PCDH11X: variants seen among roughly 807,000 people sequenced by gnomAD.
PCDH11X encodes protocadherin-11 X-linked.
Under a neutral mutation model 53.3 loss-of-function variants are expected in PCDH11X, and 18 were observed. The observed-to-expected ratio is 0.34, with a 90% CI of 0.23 to 0.50. The LOEUF (loss-of-function observed/expected upper bound fraction) is 0.50. Ranked by LOEUF, PCDH11X falls within the 20% of genes least tolerant of loss-of-function variation. PCDH11X has a pLI of 0.98. For missense variants in PCDH11X, 570 were observed against 1,032.4 expected (o/e 0.55, Z 6.14); for synonymous variants, 279 against 393.3 (o/e 0.71, Z 3.44).
At chrX:92,222,710 C>T (rs2066904656) in intron 7 of PCDH11X, among the ~76,000 whole-genome samples, 1 of 111,833 alleles carries the variant, frequency 8.9e-6, no homozygotes. Context: ...AAATGTATTT[C>T]ATCTCCGTAG....
At chrX:92,125,580 T>C (rs1026499007) in intron 6 of PCDH11X, among the ~76,000 whole-genome samples, 1 of 111,486 alleles carries the variant, frequency 9.0e-6, no homozygotes, top group African/African-American at 3.3e-5. Context: ...GATAAATGTT[T>C]GCCCTTTTAA....
In PCDH11X at chrX:92,493,966, C is replaced by G. The variant is rs769517177; in HGVS notation, c.3367+25644C>G. On this transcript the variant is annotated intron_variant, in intron 10 of 10. Transcript: ENST00000682573. The stretch of plus-strand genomic sequence containing the variant: ...CCGGCTGCTCCGTTAATTTTTATAT[C>G]CCTCTCTTGCCAACAGGTTTTTTTT... 8.5e-4 allele frequency among the ~76,000 whole-genome samples: 93 copies of G among 109,879 alleles called. 1 individual carries two copies. Among genetic ancestry groups the G allele is most frequent in the African/African-American group, 2.9e-3 (88 of 30,201 alleles).
chrX:92,109,232 G>A (rs1442924663), intron 6 of PCDH11X, among the ~76,000 whole-genome samples: 3 of 110,966 alleles, frequency 2.7e-5, no homozygotes, highest in Admixed American at 9.6e-5. Context: ...TTAGCTGGGC[G>A]TGGTGGCAGG....
intron 6 of PCDH11X, among the ~76,000 whole-genome samples, chrX:92,034,139 A>G (rs2063093323): frequency 1.8e-5 from 2 of 110,825 alleles, no homozygotes; most frequent in South Asian, 7.6e-4. Context: ...AATTTTTTGG[A>G]TGTTTAAAGA....
intron 5 of PCDH11X, among the ~76,000 whole-genome samples, chrX:91,875,601 T>A (rs1283763066): frequency 9.0e-6 from 1 of 110,777 alleles, no homozygotes; most frequent in Non-Finnish European, 1.9e-5. Flanking sequence ...GAGGGGATTG[T>A]TTTTTAAATA....
Position 91,879,245 on chromosome X carries a change from A to G in PCDH11X, c.3005A>G (p.Glu1002Gly), listed in dbSNP as rs764374517. 1.4e-5 allele frequency: 17 copies of G among 1,209,921 alleles called. No homozygotes were observed. The highest frequency in any genetic ancestry group is 1.9e-5 in the Non-Finnish European group (17 of 895,234). ...TGTGGCTATCCAGTGACGACCTTCG[A>G]GGTACCTGTGTCCGTACACACCAGA... Reference protein sequence around the residue: ...SDCGYPVTTFEVPVSVHTRPP... With the variant: ...SDCGYPVTTFGVPVSVHTRPP... The change falls in exon 6 of 11, where the codon GAG (glutamate) becomes GGG (glycine). Residue 1002 changes from glutamate to glycine, a missense_variant. Transcript: ENST00000682573.
intron 6 of PCDH11X, among the ~76,000 whole-genome samples, chrX:92,090,697 A>G (rs1163663012): frequency 9.0e-6 from 1 of 110,607 alleles, no homozygotes; most frequent in African/African-American, 3.3e-5. Context: ...GGAAATACGC[A>G]TAACAAGTTG....
chrX:92,102,035 G>A (rs1384568320), intron 6 of PCDH11X, among the ~76,000 whole-genome samples: 2 of 111,358 alleles, frequency 1.8e-5, no homozygotes, highest in Non-Finnish European at 3.8e-5. Context: ...AGGAAAGAAG[G>A]AAATATGGGG....
In PCDH11X at chrX:92,094,549, A is replaced by G. The variant is rs186416819; in HGVS notation, c.3034-106826A>G. 7.3e-3 allele frequency among the ~76,000 whole-genome samples: 810 copies of G among 111,416 alleles called. 8 individuals carry two copies. Among genetic ancestry groups the G allele is most frequent in the African/African-American group, 0.025 (767 of 30,685 alleles). On this transcript the variant is annotated intron_variant, in intron 6 of 10. Transcript: ENST00000682573. ...CTCTCTTCCTAAAGGAATACACAAA[A>G]AATCAGGGTGTAGAAAAATATCTTA...
intron 10 of PCDH11X, among the ~76,000 whole-genome samples, chrX:92,499,444 GA>G (rs67442304): frequency 5.6e-4 from 41 of 73,318 alleles, no homozygotes; most frequent in African/African-American, 1.7e-3. Context: ...TCTGGAGTTT[GA>G]AAAAAAAAAA....
At chrX:92,436,706 T>A (rs2148630524) in intron 9 of PCDH11X, among the ~76,000 whole-genome samples, 1 of 111,179 alleles carries the variant, frequency 9.0e-6, no homozygotes, top group Non-Finnish European at 1.9e-5. Context: ...CTTAGCAAAC[T>A]AATGCAGGTA....
At chrX:91,839,307 C>A (rs1361654343) in intron 5 of PCDH11X, among the ~76,000 whole-genome samples, 9 of 108,578 alleles carry the variant, frequency 8.3e-5, no homozygotes, top group African/African-American at 3.0e-4. Context: ...TGATACAAAA[C>A]GAAAAGAGTG....
chrX:91,998,173 A>G (rs1241562451), intron 6 of PCDH11X, among the ~76,000 whole-genome samples: 1 of 109,966 alleles, frequency 9.1e-6, no homozygotes, highest in Non-Finnish European at 1.9e-5. Context: ...ACCTCAAGTG[A>G]TCTGCCCACC....
chrX:91,897,104 A>G (rs1011071871), intron 6 of PCDH11X, among the ~76,000 whole-genome samples: 5 of 104,125 alleles, frequency 4.8e-5, no homozygotes, highest in African/African-American at 1.9e-4. Flanking sequence ...TCCTATGAAC[A>G]CATCAGTTGG....
intron 9 of PCDH11X, among the ~76,000 whole-genome samples, chrX:92,426,663 A>G (rs1453708081): frequency 9.1e-6 from 1 of 109,755 alleles, no homozygotes; most frequent in Admixed American, 9.8e-5. Flanking sequence ...AAAATAAAAC[A>G]TTTATATTCA....
At chrX:92,382,723 A>G (rs2148566601) in intron 8 of PCDH11X, among the ~76,000 whole-genome samples, 1 of 111,618 alleles carries the variant, frequency 9.0e-6, no homozygotes, top group Non-Finnish European at 1.9e-5. Flanking sequence ...TGCTACTGGC[A>G]GAAAATAACT....
chrX:92,127,667 C>A (rs1319062402), intron 6 of PCDH11X, among the ~76,000 whole-genome samples: 1 of 109,200 alleles, frequency 9.2e-6, no homozygotes, highest in East Asian at 2.9e-4. Context: ...ACTACAGGTG[C>A]GTGCCACCAA....
At chrX:91,888,360 A>C (rs1203813197) in intron 6 of PCDH11X, among the ~76,000 whole-genome samples, 3 of 111,995 alleles carry the variant, frequency 2.7e-5, no homozygotes, top group African/African-American at 9.7e-5. Context: ...TTTTAAAAAA[A>C]TTTTCAGTGG....
intron 10 of PCDH11X, among the ~76,000 whole-genome samples, chrX:92,544,472 C>T (rs990977431): frequency 9.1e-6 from 1 of 110,165 alleles, no homozygotes; most frequent in Admixed American, 9.8e-5. Context: ...CTTTTGAAGA[C>T]GTGTTAGATG....
Sources: allele counts gnomAD v4.1 joint callset (sites outside exome capture counted in the v4.1 genomes callset), GRCh38; gene constraint gnomAD v4.1.1; transcripts MANE v1.5; gene names NCBI Gene and HGNC (gene_info 2026-07-23, HGNC 2026-07-21).